ZBED6: variants seen among roughly 807,000 people sequenced by gnomAD.
ZBED6 encodes zinc finger BED domain-containing protein 6.
A neutral mutation model predicts 58.4 loss-of-function variants in ZBED6; 40 were observed. The ratio of observed to expected loss-of-function variants is 0.68; its 90% CI spans 0.53 to 0.89. ZBED6 has a LOEUF of 0.89. Ranked by LOEUF, ZBED6 falls within the 40% of genes least tolerant of loss-of-function variation. ZBED6 has a pLI of 0.00. For synonymous variants in ZBED6, 439 were observed against 350.6 expected (o/e 1.25, Z -2.82); for missense variants, 1,057 against 1,003.9 (o/e 1.05, Z -0.71).
At chr1:203,820,468 A>ATTGTGTGTGTGTGTGTGTGTGTG (rs1678197827) in intron 3 of ZBED6, among the ~76,000 whole-genome samples, 1 of 150,384 alleles carries the variant, frequency 6.6e-6, no homozygotes, top group Non-Finnish European at 1.5e-5. Flanking sequence ...ATCACAAATT[A>ATTGTGTGTGTGTGTGTGTGTGTG]TGTGTGTGTG....
rs776937470 is a variant in ZBED6 at position 203,831,779 on chromosome 1, A to G, written c.*3510+8A>G. 5.6e-6 allele frequency: 9 copies of G among 1,605,940 alleles called. No homozygotes were observed. The South Asian group carries it at 1.0e-4, about 18-fold the overall frequency. On this transcript the variant is annotated splice_region_variant and intron_variant, in intron 8 of 16. Transcript: ENST00000550078. ...CTCTCTCCACCAAACAAGGTAAGGT[A>G]TAGATAGGTCTTAGAGTTGTCAAGC... is the stretch of plus-strand genomic sequence containing the variant.
exon 1 of ZBED6, chr1:203,797,881 A>G (rs1342274172): frequency 6.5e-7 from 1 of 1,535,998 alleles, no homozygotes; most frequent in Non-Finnish European, 8.7e-7. Context: ...AGCAATATAG[A>G]AAAACAGATC....
exon 1 of ZBED6, chr1:203,799,116 A>G: frequency 6.5e-7 from 1 of 1,531,082 alleles, no homozygotes; most frequent in Non-Finnish European, 8.8e-7. Flanking sequence ...AGGTTTGGCT[A>G]AAGACTGTTT....
chr1:203,800,770 G>A (rs1670323386), exon 1 of ZBED6: 1 of 192,344 alleles, frequency 5.2e-6, no homozygotes, highest in African/African-American at 2.3e-5. Flanking sequence ...GATTGAACTA[G>A]TAATTGGTTT....
chr1:203,808,059 A>C (rs1004673047), intron 1 of ZBED6, among the ~76,000 whole-genome samples: 4 of 151,356 alleles, frequency 2.6e-5, no homozygotes, highest in South Asian at 4.2e-4. Context: ...TTTTTTTTCT[A>C]CTTTTATTGA....
chr1:203,843,722 T>G (rs1687117825), intron 11 of ZBED6, among the ~76,000 whole-genome samples: 1 of 152,256 alleles, frequency 6.6e-6, no homozygotes, highest in Non-Finnish European at 1.5e-5. Flanking sequence ...CCTATGCCTT[T>G]TTAAATGGCT....
At chr1:203,814,651 G>C (rs1057177206) in intron 1 of ZBED6, among the ~76,000 whole-genome samples, 5 of 152,010 alleles carry the variant, frequency 3.3e-5, no homozygotes, top group African/African-American at 1.2e-4. Flanking sequence ...GTTTCTTCTA[G>C]GCCTTTTCTA....
At chr1:203,848,017 C>A (rs530952692) in intron 12 of ZBED6, among the ~76,000 whole-genome samples, 15 of 152,060 alleles carry the variant, frequency 9.9e-5, no homozygotes, top group African/African-American at 3.6e-4. Context: ...CACCACACCC[C>A]GCTAATTTTT....
chr1:203,820,919 A>G (rs1678431229), intron 3 of ZBED6, among the ~76,000 whole-genome samples: 1 of 152,124 alleles, frequency 6.6e-6, no homozygotes, highest in African/African-American at 2.4e-5. Context: ...ATTAATAAAT[A>G]TTTTGTGGAG....
At chr1:203,835,868 C>T (rs1437440403) in intron 9 of ZBED6, 1 of 246,070 alleles carries the variant, frequency 4.1e-6, no homozygotes, top group Non-Finnish European at 8.9e-6. Context: ...GGAGACCCCA[C>T]TTATAGCCAG....
intron 7 of ZBED6, among the ~76,000 whole-genome samples, chr1:203,830,925 ATTTTTTTTTTTTT>A (rs774771270): frequency 8.6e-4 from 44 of 51,380 alleles, no homozygotes; most frequent in Non-Finnish European, 1.3e-3. Flanking sequence ...CCAACCCCCA[ATTTTTTTTTTTTT>A]TTTTTTTTTT....
In ZBED6 at chr1:203,816,906, T is replaced by G. The variant is rs2102766774; in HGVS notation, c.*2555-20T>G. The G allele has an allele frequency of 1.7e-5, 9 of 525,812 alleles. No homozygotes were observed. The East Asian group carries it at 2.8e-4, about 16-fold the overall frequency. The allele number at this position is 525,812 out of a possible 1,614,324, so 32.6% of individuals were successfully genotyped here. ...AAGAATTTACCTGAAATATTTTAATTCATTGTCTCCTCATTTTAGGATTAC... is the reference window on the plus strand; with the variant it reads ...AAGAATTTACCTGAAATATTTTAATGCATTGTCTCCTCATTTTAGGATTAC... On this transcript the variant is annotated intron_variant, in intron 1 of 16. Coordinates refer to ENST00000550078, the Ensembl canonical transcript of ZBED6.
At chr1:203,800,474 C>T (rs1277202459) in exon 1 of ZBED6, 2 of 1,467,134 alleles carry the variant, frequency 1.4e-6, no homozygotes, top group African/African-American at 2.8e-5. Context: ...TTCTTTTTCT[C>T]CATTTAAAAT....
At chr1:203,804,787 C>T (rs1306089937) in intron 1 of ZBED6, among the ~76,000 whole-genome samples, 1 of 150,634 alleles carries the variant, frequency 6.6e-6, no homozygotes, top group Non-Finnish European at 1.5e-5. Context: ...ATTCTTCTGT[C>T]TCAGCCTCCC....
At chr1:203,817,211 T>C in intron 2 of ZBED6, 87 bp downstream of exon 2, 1 of 1,120,834 alleles carries the variant, frequency 8.9e-7, no homozygotes, top group East Asian at 2.8e-5. Context: ...AAGTTGTTTT[T>C]ATTATATATA....
chr1:203,800,120 T>A (rs988698428), exon 1 of ZBED6: 1 of 1,536,086 alleles, frequency 6.5e-7, no homozygotes, highest in African/African-American at 1.4e-5. Flanking sequence ...CTGTAGCAGT[T>A]GTGGATGAGT....
rs1672069009 is a variant in ZBED6, at chr1:203,805,643, C to A, written c.*2554+2627C>A. ...GTATGAAGCAGGGATCTGTGGCAAT[C>A]CAAATTCATCCACCAGAACTCCATC... On this transcript the variant is annotated intron_variant, in intron 1 of 16. Transcript: ENST00000550078. 4.3e-6 allele frequency: 3 copies of A among 700,092 alleles called. No homozygotes were observed. The East Asian group carries it at 1.2e-4, about 27-fold the overall frequency. 43.4% of individuals were successfully genotyped at this position (700,092 alleles called of 1,614,324 possible).
exon 1 of ZBED6, chr1:203,796,249 C>CT: frequency 2.5e-6 from 1 of 395,028 alleles, no homozygotes. Context: ...ATCAATCAGA[C>CT]TGAGTGCCGG....
intron 1 of ZBED6, among the ~76,000 whole-genome samples, chr1:203,804,969 G>A (rs926317195): frequency 6.6e-6 from 1 of 151,400 alleles, no homozygotes; most frequent in Non-Finnish European, 1.5e-5. Flanking sequence ...TATTGTGCCC[G>A]GCCTGTCTCG....
Sources: allele counts gnomAD v4.1 joint callset (sites outside exome capture counted in the v4.1 genomes callset), GRCh38; gene constraint gnomAD v4.1.1; transcripts MANE v1.5; gene names NCBI Gene and HGNC (gene_info 2026-07-23, HGNC 2026-07-21).